Variants in DCLK3 observed in about 807,000 individuals in gnomAD.
DCLK3 encodes doublecortin like kinase 3.
A neutral mutation model predicts 46.4 loss-of-function variants in DCLK3; 30 were observed. That is an observed-to-expected ratio of 0.65 (90% CI 0.48 to 0.88). The LOEUF (loss-of-function observed/expected upper bound fraction) is 0.88. Ranked by LOEUF, DCLK3 falls within the 40% of genes least tolerant of loss-of-function variation. The pLI, the probability that DCLK3 is intolerant of heterozygous loss-of-function variation, is 0.00. For missense variants in DCLK3, 846 were observed against 907.1 expected, an observed-to-expected ratio of 0.93 and a Z score of 0.87; for synonymous variants, 401 against 339.2, an observed-to-expected ratio of 1.18 and a Z score of -2.00.
chr3:36,760,435 A>G (rs1701528512), intron 1 of DCLK3, among the ~76,000 whole-genome samples: 1 of 144,696 alleles, frequency 6.9e-6, no homozygotes, highest in Non-Finnish European at 1.5e-5. Context: ...ATGAGAATAC[A>G]TGGACACAGG....
rs553477753 is a variant in DCLK3 at position 36,732,353 on chromosome 3, C to T, written c.1959+4855G>A. On this transcript the variant is annotated intron_variant, in intron 2 of 4. Coordinates refer to ENST00000636136, the MANE Select transcript of DCLK3 (RefSeq NM_001394672.2). ...TTGAGAAATTTCCTGTAACCTCTGC[C>T]TATGTGGCCAAACCCTGGAAATACA... 2.4e-3 allele frequency among the ~76,000 whole-genome samples: 367 copies of T among 152,314 alleles called. 1 individual carries two copies. The highest frequency in any genetic ancestry group is 4.4e-3 in the Non-Finnish European group (302 of 68,032).
At chr3:36,722,587 G>C (rs764815195) in intron 2 of DCLK3, among the ~76,000 whole-genome samples, 1 of 152,196 alleles carries the variant, frequency 6.6e-6, no homozygotes, top group African/African-American at 2.4e-5. Context: ...CATGTTGTGA[G>C]GGGAACCCGG....
chr3:36,742,656 A>G (rs1175955910), intron 1 of DCLK3, among the ~76,000 whole-genome samples: 1 of 152,254 alleles, frequency 6.6e-6, no homozygotes. Context: ...GGGAAGCACC[A>G]GGAAAATGCA....
chr3:36,718,606 A>G (rs973046151), intron 3 of DCLK3, among the ~76,000 whole-genome samples: 1 of 152,238 alleles, frequency 6.6e-6, no homozygotes, highest in African/African-American at 2.4e-5. Flanking sequence ...TTCTAGTCAC[A>G]TGCAGCAGGA....
intron 3 of DCLK3, among the ~76,000 whole-genome samples, chr3:36,718,864 A>T (rs979008019): frequency 6.6e-6 from 1 of 152,096 alleles, no homozygotes; most frequent in Non-Finnish European, 1.5e-5. Flanking sequence ...ATATAGAGAC[A>T]TGTATACTTT....
rs149510253 is a variant in DCLK3 at position 36,749,213 on chromosome 3, T to C, written c.83-10129A>G. Among the ~76,000 whole-genome samples the C allele has an allele frequency of 1.9e-3, 294 of 152,332 alleles. 2 individuals carry two copies. The highest frequency in any genetic ancestry group is 6.7e-3 in the African/African-American group (278 of 41,578). The stretch of plus-strand genomic sequence containing the variant: ...CTTGATTGGGGCTGAGTTTCGCTTT[T>C]CTCAGTGCTATATACAGGGCGGCTC... On this transcript the variant is annotated intron_variant, in intron 1 of 4. Transcript: ENST00000636136.
In DCLK3 at chr3:36,737,194, A is replaced by T; in HGVS notation, c.1959+14T>A. ...AAAACACCCTCTCCCATATCATCAA[A>T]AGTCAAGGCTTACCAAAAGGTTTTC... is the stretch of plus-strand genomic sequence containing the variant. On this transcript the variant is annotated intron_variant, in intron 2 of 4. Coordinates refer to ENST00000636136, the MANE Select transcript of DCLK3 (RefSeq NM_001394672.2). This position sits in a 1 kb window ranked among gnomAD's most constrained non-coding sequence, Gnocchi z 4.4. The T allele has an allele frequency of 6.2e-7, 1 of 1,606,512 alleles. No homozygotes were observed. The highest frequency in any genetic ancestry group is 8.5e-7 in the Non-Finnish European group (1 of 1,175,202).
intron 1 of DCLK3, among the ~76,000 whole-genome samples, chr3:36,741,676 C>T (rs772313129): frequency 1.8e-4 from 28 of 152,240 alleles, no homozygotes; most frequent in Non-Finnish European, 2.9e-4. Context: ...GTTGTCCACA[C>T]GGCCGCTGAG....
At chr3:36,721,785 G>T in intron 2 of DCLK3, 126 bp from the exon 3 acceptor site, 2 of 1,107,040 alleles carry the variant, frequency 1.8e-6, no homozygotes, top group Admixed American at 2.5e-5. Context: ...TTACAGCTTA[G>T]CCCAACACTG....
chr3:36,762,578 T>G lies in DCLK3; in HGVS notation c.82+1604A>C, dbSNP rs553428066. 5.3e-5 allele frequency among the ~76,000 whole-genome samples: 8 copies of G among 152,250 alleles called. No homozygotes were observed. In the East Asian group the frequency reaches 1.4e-3, roughly 26 times the overall value. ...GGCAAAGAAGCTGGACTATTTATAC[T>G]CCAGCACCCATCAGTCATTGAGGAG... is the stretch of plus-strand genomic sequence containing the variant. On this transcript the variant is annotated intron_variant, in intron 1 of 4. Coordinates refer to ENST00000636136, the MANE Select transcript of DCLK3 (RefSeq NM_001394672.2).
At chr3:36,732,347 C>A (rs898483471) in intron 2 of DCLK3, among the ~76,000 whole-genome samples, 1 of 152,188 alleles carries the variant, frequency 6.6e-6, no homozygotes, top group Non-Finnish European at 1.5e-5. Flanking sequence ...TTCCTGTAAC[C>A]TCTGCCTATG....
Position 36,737,556 on chromosome 3 carries a change from A to C in DCLK3, c.1611T>G (p.Ala537=). The C allele has an allele frequency of 6.2e-7, 1 of 1,614,134 alleles. No individual in the cohort carries two copies. The highest frequency in any genetic ancestry group is 8.5e-7 in the Non-Finnish European group (1 of 1,180,024). ...CGCGGTGTCTGCACTCCTTCACGAC[A>C]GCAAAGTTCCCATCCCCAATGACCC... ...TGRVIGDGNF[A]VVKECRHRET... is the part of the protein sequence containing the mutation. Residue 537 remains alanine, a synonymous_variant, in exon 2 of 5, where the codon GCT becomes GCG. Coordinates refer to ENST00000636136, the MANE Select transcript of DCLK3 (RefSeq NM_001394672.2). This position sits in a 1 kb window ranked among gnomAD's most constrained non-coding sequence, Gnocchi z 4.4.
At chr3:36,719,119 T>C (rs1419510365) in intron 3 of DCLK3, among the ~76,000 whole-genome samples, 1 of 152,230 alleles carries the variant, frequency 6.6e-6, no homozygotes, top group African/African-American at 2.4e-5. Context: ...AATTTTCTGA[T>C]GAGCATTTAT....
intron 2 of DCLK3, among the ~76,000 whole-genome samples, chr3:36,736,167 A>G (rs942051421): frequency 2.6e-5 from 4 of 152,132 alleles, no homozygotes; most frequent in Non-Finnish European, 5.9e-5. Flanking sequence ...TGTTTAAAGG[A>G]CTCATGATAA....
At chr3:36,763,876 G>T (rs915510743) in intron 1 of DCLK3, among the ~76,000 whole-genome samples, 6 of 152,208 alleles carry the variant, frequency 3.9e-5, no homozygotes, top group Non-Finnish European at 8.8e-5. Flanking sequence ...AAGACACCCA[G>T]TGCGTTTCCC....
rs531040601 is a variant in DCLK3, at chr3:36,749,535, C to T, written c.83-10451G>A. 6.6e-5 allele frequency among the ~76,000 whole-genome samples: 10 copies of T among 152,348 alleles called. No homozygotes were observed. In the East Asian group the frequency reaches 1.5e-3, roughly 23 times the overall value. ...ATGAAGCAGATCGATCTCATTTCTA[C>T]ATCTTCATGCTTTGGCTTCAATGGA... On this transcript the variant is annotated intron_variant, in intron 1 of 4. Coordinates refer to ENST00000636136, the MANE Select transcript of DCLK3 (RefSeq NM_001394672.2).
chr3:36,751,878 T>C (rs1336930662), intron 1 of DCLK3, among the ~76,000 whole-genome samples: 1 of 152,178 alleles, frequency 6.6e-6, no homozygotes, highest in Non-Finnish European at 1.5e-5. Context: ...GAAAACAGAC[T>C]ATTGGTTGGG....
chr3:36,729,430 A>C (rs1029587532), intron 2 of DCLK3, among the ~76,000 whole-genome samples: 4 of 152,152 alleles, frequency 2.6e-5, no homozygotes, highest in Admixed American at 2.6e-4. Context: ...TGGCACTGTA[A>C]TGACTGTTAT....
chr3:36,762,826 C>T (rs1701551367), intron 1 of DCLK3, among the ~76,000 whole-genome samples: 1 of 152,190 alleles, frequency 6.6e-6, no homozygotes, highest in South Asian at 2.1e-4. Flanking sequence ...AGTTACAGAA[C>T]ATCTTTCAGA....
Sources: allele counts gnomAD v4.1 joint callset (sites outside exome capture counted in the v4.1 genomes callset), GRCh38; gene constraint gnomAD v4.1.1; non-coding constraint Gnocchi (gnomAD v3.1); transcripts MANE v1.5; gene names NCBI Gene and HGNC (gene_info 2026-07-23, HGNC 2026-07-21).